CTNNA3: variants seen among roughly 807,000 people sequenced by gnomAD.
CTNNA3 encodes the protein catenin alpha-3.
A neutral mutation model predicts 95.7 loss-of-function variants in CTNNA3; 76 were observed. The ratio of observed to expected loss-of-function variants is 0.79; its 90% CI spans 0.66 to 0.96. The LOEUF is 0.96. Among genes scored for constraint, CTNNA3 ranks in the 40% least tolerant of loss-of-function variants. The pLI is 0.00. For missense variants in CTNNA3, 1,191 were observed against 1,089.8 expected (o/e 1.09, Z -1.31); for synonymous variants, 431 against 374.4 (o/e 1.15, Z -1.74).
chr10:65,999,196 T>G (rs749259066), intron 15 of CTNNA3, among the ~76,000 whole-genome samples: 26 of 152,294 alleles, frequency 1.7e-4, no homozygotes, highest in Non-Finnish European at 3.1e-4. Context: ...GCATTGCATT[T>G]CATTATTTCA....
chr10:66,203,281 T>C (rs2087550106), intron 13 of CTNNA3, among the ~76,000 whole-genome samples: 1 of 152,068 alleles, frequency 6.6e-6, no homozygotes, highest in South Asian at 2.1e-4. Context: ...GAGAACAATA[T>C]AAAGACTAAA....
At chr10:67,587,603 T>G (rs751956181) in intron 3 of CTNNA3, among the ~76,000 whole-genome samples, 2 of 152,168 alleles carry the variant, frequency 1.3e-5, no homozygotes, top group Non-Finnish European at 2.9e-5. Context: ...GTTTCTGTTG[T>G]GACTAGGGGC....
chr10:67,216,555 T>A (rs1427217673), intron 6 of CTNNA3, among the ~76,000 whole-genome samples: 1 of 152,200 alleles, frequency 6.6e-6, no homozygotes, highest in African/African-American at 2.4e-5. Context: ...GATATTTACC[T>A]AGCACTTACT....
chr10:66,265,320 C>T (rs1321350444), intron 13 of CTNNA3, among the ~76,000 whole-genome samples: 3 of 151,996 alleles, frequency 2.0e-5, no homozygotes, highest in African/African-American at 7.2e-5. Context: ...TGGTATTCTC[C>T]TTTATCACAC....
chr10:66,191,373 G>A (rs1186862500), intron 13 of CTNNA3, among the ~76,000 whole-genome samples: 1 of 152,046 alleles, frequency 6.6e-6, no homozygotes, highest in Non-Finnish European at 1.5e-5. Flanking sequence ...ACATACCTCA[G>A]GGAGGTGAAT....
intron 10 of CTNNA3, among the ~76,000 whole-genome samples, chr10:66,613,279 T>C (rs896355655): frequency 6.6e-6 from 1 of 152,072 alleles, no homozygotes; most frequent in African/African-American, 2.4e-5. Flanking sequence ...ACACACCACC[T>C]CCGATTTTCC....
intron 7 of CTNNA3, among the ~76,000 whole-genome samples, chr10:67,085,779 C>T (rs937680522): frequency 6.6e-6 from 1 of 151,960 alleles, no homozygotes; most frequent in Non-Finnish European, 1.5e-5. Context: ...CAAACTTTTA[C>T]TAATACGCAA....
At chr10:67,560,377 C>T (rs1841460874) in intron 3 of CTNNA3, among the ~76,000 whole-genome samples, 1 of 151,910 alleles carries the variant, frequency 6.6e-6, no homozygotes, top group Non-Finnish European at 1.5e-5. Context: ...ATTTCATATC[C>T]AGCCAAACTA....
intron 11 of CTNNA3, among the ~76,000 whole-genome samples, chr10:66,480,480 T>A (rs1396296880): frequency 6.6e-6 from 1 of 152,210 alleles, no homozygotes; most frequent in African/African-American, 2.4e-5. Context: ...TAGTCATTTA[T>A]TCTTTCGACA....
At chr10:66,445,481 C>T (rs1264423885) in intron 11 of CTNNA3, among the ~76,000 whole-genome samples, 2 of 152,102 alleles carry the variant, frequency 1.3e-5, no homozygotes, top group African/African-American at 4.8e-5. Flanking sequence ...GTCTCTCAAA[C>T]CACAGTGCAA....
intron 4 of CTNNA3, among the ~76,000 whole-genome samples, chr10:67,529,262 C>A (rs1840245580): frequency 6.6e-6 from 1 of 151,906 alleles, no homozygotes; most frequent in Non-Finnish European, 1.5e-5. Context: ...TTAACAATAA[C>A]TTATCACATA....
At chr10:66,392,247 G>T (rs776494882) in intron 11 of CTNNA3, among the ~76,000 whole-genome samples, 14 of 151,920 alleles carry the variant, frequency 9.2e-5, no homozygotes, top group Non-Finnish European at 1.9e-4. Context: ...TGGCCAGTAT[G>T]GTCAAACCCG....
intron 3 of CTNNA3, among the ~76,000 whole-genome samples, chr10:67,595,536 G>C (rs1368827681): frequency 6.6e-6 from 1 of 152,128 alleles, no homozygotes; most frequent in Non-Finnish European, 1.5e-5. Flanking sequence ...AATTTGTTGA[G>C]AATTGCTTTA....
chr10:66,075,803 C>A (rs547256507), intron 14 of CTNNA3, among the ~76,000 whole-genome samples: 19 of 151,662 alleles, frequency 1.3e-4, no homozygotes, highest in Non-Finnish European at 2.5e-4. Flanking sequence ...ATGTTTCAGT[C>A]CATGTGTCTT....
At chr10:66,639,203 AG>A (rs5785773) in intron 9 of CTNNA3, among the ~76,000 whole-genome samples, 101,056 of 151,886 alleles carry the variant, frequency 0.67, 34,575 homozygotes, top group East Asian at 0.95. Flanking sequence ...GTTGAACCAT[AG>A]AAAAAGAAAT....
At chr10:67,164,755 A>G (rs1432831634) in intron 7 of CTNNA3, among the ~76,000 whole-genome samples, 1 of 152,218 alleles carries the variant, frequency 6.6e-6, no homozygotes, top group Non-Finnish European at 1.5e-5. Flanking sequence ...TTCACTGAAG[A>G]GTATGTACAG....
chr10:66,130,775 G>T (rs530120548), intron 13 of CTNNA3, among the ~76,000 whole-genome samples: 1 of 151,216 alleles, frequency 6.6e-6, no homozygotes, highest in South Asian at 2.1e-4. Flanking sequence ...AGTATTGCTT[G>T]AACCCGGGAG....
intron 10 of CTNNA3, among the ~76,000 whole-genome samples, chr10:66,597,005 C>G (rs1342162516): frequency 6.6e-6 from 1 of 150,552 alleles, no homozygotes; most frequent in Admixed American, 6.6e-5. Context: ...TAAAAAAGAA[C>G]AAGACAAATT....
rs777796325 is a variant in CTNNA3, at chr10:67,323,817, T to C, written c.580-103947A>G. 1.2e-4 allele frequency among the ~76,000 whole-genome samples: 18 copies of C among 152,304 alleles called. No homozygotes were observed. The South Asian group carries it at 1.5e-3, about 12-fold the overall frequency. ...GGGAAGTATGGCCATTTTAACAACA[T>C]TGATTCTTCCTGTCCATGAGCATAG... On this transcript the variant is annotated intron_variant, in intron 5 of 17. Transcript: ENST00000433211.
Sources: gnomAD v4.1 joint callset for allele counts (sites outside exome capture counted in the v4.1 genomes callset) on GRCh38, gnomAD v4.1.1 for gene constraint, MANE v1.5 for transcripts, NCBI Gene and HGNC (gene_info 2026-07-23, HGNC 2026-07-21) for gene names.